Variants in CCDC141 observed in about 807,000 individuals in gnomAD.
The protein encoded by CCDC141 is coiled-coil domain-containing protein 141.
CCDC141 carries 168 observed loss-of-function variants against 181.0 expected under a neutral mutation model. That is an observed-to-expected ratio of 0.93 (90% CI 0.82 to 1.05). The LOEUF (loss-of-function observed/expected upper bound fraction) is 1.05, where lower values mean the gene tolerates loss of function less well. CCDC141 is among the 50% of genes least tolerant of loss of function. CCDC141 has a pLI of 0.00. For synonymous variants in CCDC141, 666 were observed against 642.3 expected (o/e 1.04, Z -0.56); for missense variants, 1,902 against 1,788.5 (o/e 1.06, Z -1.14).
intron 3 of CCDC141, among the ~76,000 whole-genome samples, chr2:178,975,933 G>C (rs1315196533): frequency 6.6e-6 from 1 of 152,120 alleles, no homozygotes. Flanking sequence ...GATGGAGCAA[G>C]AATGACAAGT....
intron 2 of CCDC141, among the ~76,000 whole-genome samples, chr2:178,982,293 T>C (rs1691453303): frequency 6.6e-6 from 1 of 152,090 alleles, no homozygotes; most frequent in Non-Finnish European, 1.5e-5. Context: ...AAAAAATTGG[T>C]TGTGTTTCTT....
intron 2 of CCDC141, among the ~76,000 whole-genome samples, chr2:179,000,083 C>T (rs2041922531): frequency 6.6e-6 from 1 of 151,698 alleles, no homozygotes; most frequent in African/African-American, 2.4e-5. Context: ...CACACACACA[C>T]ACACACACAC....
chr2:179,015,403 C>T (rs1289975954), intron 2 of CCDC141, among the ~76,000 whole-genome samples: 2 of 136,692 alleles, frequency 1.5e-5, no homozygotes, highest in Non-Finnish European at 3.1e-5. Context: ...TCATATATCT[C>T]ATATATGTAC....
At chr2:178,908,510 C>A (rs951342257) in intron 7 of CCDC141, among the ~76,000 whole-genome samples, 1 of 152,146 alleles carries the variant, frequency 6.6e-6, no homozygotes, top group Non-Finnish European at 1.5e-5. Flanking sequence ...GTTTTAAAGT[C>A]AAATGCCTAA....
intron 7 of CCDC141, among the ~76,000 whole-genome samples, chr2:178,916,976 T>C (rs549100337): frequency 5.9e-4 from 89 of 152,068 alleles, no homozygotes; most frequent in Non-Finnish European, 1.3e-4. Flanking sequence ...GCAGGAGATA[T>C]TTCTTCTCTG....
At chr2:178,870,910 C>T (rs1469556501) in intron 14 of CCDC141, among the ~76,000 whole-genome samples, 2 of 152,024 alleles carry the variant, frequency 1.3e-5, no homozygotes, top group Non-Finnish European at 2.9e-5. Flanking sequence ...AGGAACATGA[C>T]TCATGGTTTT....
intron 22 of CCDC141, among the ~76,000 whole-genome samples, chr2:178,842,450 C>T (rs917660384): frequency 6.6e-6 from 1 of 152,206 alleles, no homozygotes; most frequent in Non-Finnish European, 1.5e-5. Context: ...TTATCTCTGT[C>T]AGGACTTCTG....
chr2:178,897,924 A>C (rs912376306), intron 8 of CCDC141, among the ~76,000 whole-genome samples: 1 of 152,210 alleles, frequency 6.6e-6, no homozygotes, highest in Admixed American at 6.5e-5. Context: ...GCTTGGTAGC[A>C]GGCCATCTTT....
chr2:178,923,096 A>C (rs10165872), intron 6 of CCDC141, among the ~76,000 whole-genome samples: 5,094 of 137,804 alleles, frequency 0.037, 279 homozygotes, highest in African/African-American at 0.13. Flanking sequence ...CCACCAGTTT[A>C]TTTTTTTTTT....
chr2:178,861,016 A>G (rs889923335), intron 17 of CCDC141, among the ~76,000 whole-genome samples: 1 of 152,174 alleles, frequency 6.6e-6, no homozygotes, highest in African/African-American at 2.4e-5. Context: ...TATGGAATGG[A>G]TGCTTTTAGA....
chr2:178,849,897 C>T, intron 21 of CCDC141, 152 bp downstream of exon 21: 1 of 565,186 alleles, frequency 1.8e-6, no homozygotes, highest in Non-Finnish European at 3.1e-6. Flanking sequence ...ATCACAAACA[C>T]CCAGATAATT....
intron 6 of CCDC141, among the ~76,000 whole-genome samples, chr2:178,920,029 A>T (rs2154374748): frequency 6.6e-6 from 1 of 152,360 alleles, no homozygotes; most frequent in South Asian, 2.1e-4. Context: ...ACATATTTAC[A>T]TTCAATTTAT....
Position 178,899,767 on chromosome 2 carries a change from T to C in CCDC141, c.1265+5562A>G, listed in dbSNP as rs540684123. Among the ~76,000 whole-genome samples, 4 of 152,298 alleles carry C rather than the reference T, an allele frequency of 2.6e-5. No individual in the cohort carries two copies. In the East Asian group the frequency reaches 7.7e-4, roughly 29 times the overall value. On this transcript the variant is annotated intron_variant, in intron 8 of 23. Coordinates refer to ENST00000443758, the MANE Select transcript of CCDC141 (RefSeq NM_173648.4). ...CTGTTGAAATTTACATTGATTTCCATTGCCAGCATTCTAAACTCCATCTTC... is the reference window on the plus strand; with the variant it reads ...CTGTTGAAATTTACATTGATTTCCACTGCCAGCATTCTAAACTCCATCTTC...
At chr2:178,930,450 T>C (rs1470032110) in intron 6 of CCDC141, among the ~76,000 whole-genome samples, 1 of 152,064 alleles carries the variant, frequency 6.6e-6, no homozygotes, top group African/African-American at 2.4e-5. Context: ...GAAATGGAAA[T>C]GCTGATCCTA....
chr2:178,972,253 T>G (rs1221368621), intron 4 of CCDC141, among the ~76,000 whole-genome samples: 1 of 152,092 alleles, frequency 6.6e-6, no homozygotes, highest in Non-Finnish European at 1.5e-5. Context: ...TAGAGTAAAT[T>G]TTCTTCTCCT....
intron 2 of CCDC141, among the ~76,000 whole-genome samples, chr2:179,033,746 T>C (rs1429894805): frequency 1.3e-5 from 2 of 152,194 alleles, no homozygotes; most frequent in African/African-American, 4.8e-5. Context: ...TAGGTTTATA[T>C]TTTAAAGGAC....
chr2:179,008,668 C>A (rs1036287872), intron 2 of CCDC141, among the ~76,000 whole-genome samples: 9 of 152,142 alleles, frequency 5.9e-5, no homozygotes, highest in Admixed American at 5.2e-4. Flanking sequence ...TTTGGAAGCA[C>A]CACTCCACAT....
rs1331869041 is a variant in CCDC141, at chr2:178,981,951, GA to G, written c.226-3277del. Among the ~76,000 whole-genome samples, 14 of 151,632 alleles carry G rather than the reference GA, an allele frequency of 9.2e-5. No individual in the cohort carries two copies. In the East Asian group the frequency reaches 2.7e-3, roughly 29 times the overall value. Reference sequence around the variant, plus strand: ...GAAACAAATTACTAATATTGGAAATGAAAAAGGGTCCATAACTACTGATCCC... The same window carrying G: ...GAAACAAATTACTAATATTGGAAATGAAAAGGGTCCATAACTACTGATCCC... On this transcript the variant is annotated intron_variant, in intron 2 of 23. Transcript: ENST00000443758.
At position 178,871,513 on chromosome 2, in the gene CCDC141, G is replaced by T. The variant is rs142479179; in HGVS notation, c.2119C>A (p.Pro707Thr). Residue 707 changes from proline (P) to threonine (T), a missense_variant, in exon 14 of 24, where the codon CCT (proline) becomes ACT (threonine). Pro to Thr is a conservative substitution (Grantham distance 38). Coordinates refer to ENST00000443758, the MANE Select transcript of CCDC141 (RefSeq NM_173648.4). The part of the protein sequence containing the change: ...NLKLLQEALM[P>T]VSALDLGGSL... Reference sequence around the variant, plus strand: ...CCTCCGAGGTCAAGTGCAGACACAGGCATAAGTGCTTCCTGAAGAAGTTTT... The same window carrying T: ...CCTCCGAGGTCAAGTGCAGACACAGTCATAAGTGCTTCCTGAAGAAGTTTT... 52 of 1,613,848 alleles carry T rather than the reference G, an allele frequency of 3.2e-5. No homozygotes were observed. The highest frequency in any genetic ancestry group is 4.3e-5 in the Non-Finnish European group (51 of 1,179,866).
Sources: gnomAD v4.1 joint callset for allele counts (sites outside exome capture counted in the v4.1 genomes callset) on GRCh38, gnomAD v4.1.1 for gene constraint, MANE v1.5 for transcripts, NCBI Gene and HGNC (gene_info 2026-07-23, HGNC 2026-07-21) for gene names.